Variants in ACLY observed in about 807,000 individuals in gnomAD.
The protein encoded by ACLY is ATP-citrate synthase.
Under a neutral mutation model 133.0 loss-of-function variants are expected in ACLY, and 41 were observed. That is an observed-to-expected ratio of 0.31 (90% CI 0.24 to 0.40). The LOEUF (loss-of-function observed/expected upper bound fraction) is 0.40. Among genes scored for constraint, ACLY ranks in the 10% least tolerant of loss-of-function variants. ACLY has a pLI of 1.00. For synonymous variants in ACLY, 495 were observed against 549.3 expected (o/e 0.90, Z 1.38); for missense variants, 1,046 against 1,453.8 (o/e 0.72, Z 4.56).
chr17:41,903,461 T>A (rs1159902213), intron 10 of ACLY, among the ~76,000 whole-genome samples: 1 of 152,038 alleles, frequency 6.6e-6, no homozygotes, highest in African/African-American at 2.4e-5. Context: ...CAGAAAGATA[T>A]AAGACCAGGA....
intron 7 of ACLY, 70 bp downstream of exon 7, chr17:41,907,372 C>A: frequency 1.4e-6 from 2 of 1,463,724 alleles, no homozygotes; most frequent in Non-Finnish European, 1.9e-6. Flanking sequence ...GGGCCAAATG[C>A]ACATCAAAGA....
intron 3 of ACLY, among the ~76,000 whole-genome samples, chr17:41,912,169 G>A (rs1030772726): frequency 4.0e-5 from 6 of 151,846 alleles, no homozygotes; most frequent in African/African-American, 1.5e-4. Context: ...TTATATTGAG[G>A]TTACCTCTGC....
In ACLY at chr17:41,913,754, C is replaced by A; in HGVS notation, c.120G>T (p.Trp40Cys). 6.2e-7 allele frequency: 1 copy of A among 1,614,212 alleles called. No homozygotes were observed. The highest frequency in any genetic ancestry group is 8.5e-7 in the Non-Finnish European group (1 of 1,180,036). The change falls in exon 2 of 29, where the codon TGG becomes TGT. Residue 40 changes from tryptophan (W) to cysteine (C), a missense_variant. Trp to Cys is a radical substitution (Grantham distance 215, BLOSUM62 -2). Coordinates refer to ENST00000352035, the MANE Select transcript of ACLY (RefSeq NM_001096.3). ...KYARVTPDTD[W>C]ARLLQDHPWL... ...AGGGGTGGTCCTGCAGCAAGCGGGC[C>A]CAGTCTGTGTCAGGAGTGACCCGAG...
intron 1 of ACLY, among the ~76,000 whole-genome samples, chr17:41,918,556 C>G (rs2144440536): frequency 6.6e-6 from 1 of 152,268 alleles, no homozygotes; most frequent in South Asian, 2.1e-4. Context: ...ATAGCTGTGC[C>G]CGGGAGGGGT....
At chr17:41,877,754 G>A (rs2048801957) in intron 22 of ACLY, among the ~76,000 whole-genome samples, 1 of 152,114 alleles carries the variant, frequency 6.6e-6, no homozygotes, top group Non-Finnish European at 1.5e-5. Context: ...AGAAAAATGT[G>A]AAGAAGAGAG....
intron 1 of ACLY, among the ~76,000 whole-genome samples, chr17:41,917,589 TG>T (rs2050083713): frequency 1.3e-5 from 2 of 152,254 alleles, no homozygotes; most frequent in Admixed American, 6.5e-5. Context: ...AGGGTGCCTC[TG>T]GGAAAGACAA....
chr17:41,890,978 A>T (rs76785066), intron 16 of ACLY, among the ~76,000 whole-genome samples: 9,827 of 152,144 alleles, frequency 0.065, 381 homozygotes, highest in East Asian at 0.12. Context: ...TCAAAAAAAA[A>T]AAATAAATAA....
Position 41,928,792 on chromosome 17 carries a change from G to A in ACLY, c.-28+1566C>T, listed in dbSNP as rs145428024. Reference sequence around the variant, plus strand: ...AGCTTGAAACCGGGAGGCGGAGATTGCAGTGAGCCGAGATCACATCACTGC... The same window carrying A: ...AGCTTGAAACCGGGAGGCGGAGATTACAGTGAGCCGAGATCACATCACTGC... On this transcript the variant is annotated intron_variant, in intron 1 of 3. Coordinates refer to the ACLY transcript ENST00000592970. 4.3e-3 allele frequency among the ~76,000 whole-genome samples: 646 copies of A among 149,920 alleles called. 3 individuals carry two copies. The highest frequency in any genetic ancestry group is 0.013 in the African/African-American group (535 of 40,862).
At chr17:41,877,953 A>G in intron 22 of ACLY, 150 bp downstream of exon 22, 1 of 399,608 alleles carries the variant, frequency 2.5e-6, no homozygotes, top group East Asian at 3.8e-5. Context: ...TTATATATAT[A>G]TATCCTATTA....
At chr17:41,918,072 G>A (rs1369379963) in intron 1 of ACLY, among the ~76,000 whole-genome samples, 1 of 152,260 alleles carries the variant, frequency 6.6e-6, no homozygotes, top group Non-Finnish European at 1.5e-5. Context: ...TATCTGCCAA[G>A]GTTGGAGACC....
At chr17:41,876,501 T>G (rs1555626212) in intron 22 of ACLY, among the ~76,000 whole-genome samples, 1 of 152,160 alleles carries the variant, frequency 6.6e-6, no homozygotes, top group Non-Finnish European at 1.5e-5. Flanking sequence ...GATTGAGAAA[T>G]TGGATGGTTG....
intron 16 of ACLY, among the ~76,000 whole-genome samples, chr17:41,891,200 C>T (rs944991058): frequency 1.6e-4 from 24 of 151,978 alleles, no homozygotes; most frequent in African/African-American, 5.6e-4. Context: ...CCTGGCTAAT[C>T]CTTTTTTAAG....
At chr17:41,927,057 A>G (rs1465972942) in intron 1 of ACLY, among the ~76,000 whole-genome samples, 1 of 152,006 alleles carries the variant, frequency 6.6e-6, no homozygotes, top group Non-Finnish European at 1.5e-5. Flanking sequence ...TAGTAGAGAC[A>G]GGGTTTCTCC....
chr17:41,915,498 GC>G (rs1262819293), intron 1 of ACLY, among the ~76,000 whole-genome samples: 1 of 152,188 alleles, frequency 6.6e-6, no homozygotes, highest in Non-Finnish European at 1.5e-5. Context: ...GGCTGGTGGG[GC>G]TTCAGGTTCT....
rs1555629686 is a variant in ACLY at position 41,893,131 on chromosome 17, C to T, written c.1503G>A (p.Val501=). ...GCACGGCCCGGGTCTGCATGCCCCA[C>T]ACAATGGCCTTGGTGTGGCGGCTGA... ...TLFSRHTKAI[V]WGMQTRAVQG... is the part of the protein sequence containing the mutation. Residue 501 remains valine, a synonymous_variant, in exon 15 of 29, where the codon GTG becomes GTA. Coordinates refer to ENST00000352035, the MANE Select transcript of ACLY (RefSeq NM_001096.3). 6.2e-7 allele frequency: 1 copy of T among 1,613,984 alleles called. No individual in the cohort carries two copies. The highest frequency in any genetic ancestry group is 8.5e-7 in the Non-Finnish European group (1 of 1,179,986).
chr17:41,890,063 T>A (rs78130463), intron 16 of ACLY, among the ~76,000 whole-genome samples: 1 of 152,160 alleles, frequency 6.6e-6, no homozygotes, highest in Non-Finnish European at 1.5e-5. Context: ...TAATCCGAGA[T>A]TGCCCATCAC....
intron 1 of ACLY, among the ~76,000 whole-genome samples, chr17:41,916,208 G>C (rs1178564913): frequency 6.6e-6 from 1 of 152,172 alleles, no homozygotes. Context: ...TTCTGGCTTA[G>C]AGACGGGAGG....
intron 3 of ACLY, among the ~76,000 whole-genome samples, chr17:41,910,646 A>G (rs1334794903): frequency 1.3e-5 from 2 of 152,210 alleles, no homozygotes; most frequent in Non-Finnish European, 2.9e-5. Flanking sequence ...ATTCTGCTTC[A>G]TGAGCCTTGA....
chr17:41,921,727 T>C (rs2050186016), upstream of ACLY, among the ~76,000 whole-genome samples: 2 of 151,110 alleles, frequency 1.3e-5, no homozygotes, highest in African/African-American at 4.9e-5. Flanking sequence ...CCGAGCACTT[T>C]GGTAGGCCAA....
Sources: gnomAD v4.1 joint callset for allele counts (sites outside exome capture counted in the v4.1 genomes callset) on GRCh38, gnomAD v4.1.1 for gene constraint, MANE v1.5 for transcripts, NCBI Gene and HGNC (gene_info 2026-07-23, HGNC 2026-07-21) for gene names.